NR3C2: variants seen among roughly 807,000 people sequenced by gnomAD.
NR3C2 encodes the protein nuclear receptor subfamily 3 group C member 2.
Under a neutral mutation model 86.4 loss-of-function variants are expected in NR3C2, and 15 were observed. The ratio of observed to expected loss-of-function variants is 0.17; its 90% CI spans 0.12 to 0.27. The LOEUF (loss-of-function observed/expected upper bound fraction) is 0.27, where lower values mean the gene tolerates loss of function less well. Among genes scored for constraint, NR3C2 ranks in the 10% least tolerant of loss-of-function variants. NR3C2 has a pLI of 1.00. For synonymous variants in NR3C2, 458 were observed against 450.5 expected (o/e 1.02, Z -0.21); for missense variants, 960 against 1,195.6 (o/e 0.80, Z 2.91).
intron 3 of NR3C2, among the ~76,000 whole-genome samples, chr4:148,219,349 A>C (rs969201039): frequency 1.6e-4 from 25 of 152,320 alleles, no homozygotes; most frequent in African/African-American, 5.1e-4. Flanking sequence ...GGTAATTTAT[A>C]TATTTTGAAT....
rs377117802 is a variant in NR3C2, at chr4:148,142,829, C to T, written c.2510+9640G>A. On this transcript the variant is annotated intron_variant, in intron 6 of 8. Transcript: ENST00000358102. ...GGTGGATTTCGAATCGATGGTTTAG[C>T]ACCACCGCCTTGCTCTAAATGCTGT... 9.2e-5 allele frequency among the ~76,000 whole-genome samples: 14 copies of T among 152,254 alleles called. No individual in the cohort carries two copies. In the South Asian group the frequency reaches 1.9e-3, roughly 20 times the overall value.
chr4:148,204,239 A>C (rs1736886996), intron 3 of NR3C2, among the ~76,000 whole-genome samples: 1 of 152,230 alleles, frequency 6.6e-6, no homozygotes, highest in African/African-American at 2.4e-5. Context: ...AGTAAGAAAA[A>C]GCAAGTAAGT....
upstream of NR3C2, chr4:148,444,395 G>A: frequency 1.0e-6 from 1 of 986,540 alleles, no homozygotes. Context: ...TCTCCTGCCC[G>A]CATCCCACCT....
intron 3 of NR3C2, among the ~76,000 whole-genome samples, chr4:148,225,898 G>C (rs1006391728): frequency 1.3e-5 from 2 of 151,934 alleles, no homozygotes; most frequent in Non-Finnish European, 2.9e-5. Flanking sequence ...CTTTCAACAA[G>C]GACTTACTCA....
intron 8 of NR3C2, among the ~76,000 whole-genome samples, chr4:148,087,052 C>T (rs540724988): frequency 9.5e-4 from 145 of 152,190 alleles, no homozygotes; most frequent in African/African-American, 3.2e-3. Context: ...AATCTTAAGC[C>T]GATAAGCAAC....
At chr4:148,395,877 T>C (rs1226420167) in intron 2 of NR3C2, among the ~76,000 whole-genome samples, 1 of 152,212 alleles carries the variant, frequency 6.6e-6, no homozygotes, top group Non-Finnish European at 1.5e-5. Flanking sequence ...TGATTGACCA[T>C]GTGTTGTGCT....
intron 3 of NR3C2, among the ~76,000 whole-genome samples, chr4:148,256,378 C>T (rs1579072892): frequency 6.6e-6 from 1 of 152,108 alleles, no homozygotes; most frequent in African/African-American, 2.4e-5. Flanking sequence ...CATCTCTCTA[C>T]GTGAACATCA....
chr4:148,094,449 C>A (rs374917478), intron 8 of NR3C2, among the ~76,000 whole-genome samples: 1 of 152,172 alleles, frequency 6.6e-6, no homozygotes, highest in Non-Finnish European at 1.5e-5. Context: ...GCATGGGGCC[C>A]ACGCCTGTAA....
At chr4:148,184,871 A>C (rs1735820189) in intron 4 of NR3C2, among the ~76,000 whole-genome samples, 1 of 152,220 alleles carries the variant, frequency 6.6e-6, no homozygotes, top group Non-Finnish European at 1.5e-5. Flanking sequence ...GAGACACCAG[A>C]AAAGGAGCTC....
Position 148,433,853 on chromosome 4 carries a change from C to T in NR3C2, c.1757+1251G>A, listed in dbSNP as rs78200269. On this transcript the variant is annotated intron_variant, in intron 2 of 8. Transcript: ENST00000358102. ...TGATGGCAGCCATGCTATCTCATGA[C>T]TTGTGTTAGAACTTATAATTTAAGA... 1.0e-3 allele frequency among the ~76,000 whole-genome samples: 155 copies of T among 152,252 alleles called. 4 individuals are homozygous for T. The East Asian group carries it at 0.021, about 21-fold the overall frequency.
intron 2 of NR3C2, among the ~76,000 whole-genome samples, chr4:148,293,367 G>T (rs1411380983): frequency 2.0e-5 from 3 of 152,078 alleles, no homozygotes; most frequent in African/African-American, 7.2e-5. Flanking sequence ...CACGTTAAAG[G>T]GCATTTAAAC....
chr4:148,148,041 C>A (rs904138788), intron 6 of NR3C2, among the ~76,000 whole-genome samples: 2 of 133,786 alleles, frequency 1.5e-5, no homozygotes, highest in African/African-American at 5.2e-5. Context: ...ACCTCTTTAG[C>A]TTCTGACCTG....
chr4:148,177,117 A>G (rs1169619738), intron 4 of NR3C2, among the ~76,000 whole-genome samples: 1 of 152,176 alleles, frequency 6.6e-6, no homozygotes, highest in East Asian at 1.9e-4. Flanking sequence ...GTAAATCATC[A>G]TTTTTTAAGC....
chr4:148,235,262 T>TTATATATATATA (rs370271975), intron 3 of NR3C2, among the ~76,000 whole-genome samples: 9,622 of 143,412 alleles, frequency 0.067, 408 homozygotes, highest in Non-Finnish European at 0.096. Flanking sequence ...TAAGTGGCAA[T>TTATATATATATA]TATATATATA....
At chr4:148,089,677 T>C (rs555044632) in intron 8 of NR3C2, among the ~76,000 whole-genome samples, 35 of 152,248 alleles carry the variant, frequency 2.3e-4, no homozygotes, top group African/African-American at 7.9e-4. Flanking sequence ...TTTTCAGGAA[T>C]ATTTAAGAAA....
chr4:148,367,190 A>G (rs1746188363), intron 2 of NR3C2, among the ~76,000 whole-genome samples: 2 of 152,210 alleles, frequency 1.3e-5, no homozygotes, highest in Admixed American at 1.3e-4. Context: ...AATACATAAT[A>G]AAGTGGATTT....
At chr4:148,260,163 A>G (rs755074001) in intron 2 of NR3C2, 46 bp from the exon 3 acceptor site, 18 of 1,611,806 alleles carry the variant, frequency 1.1e-5, no homozygotes, top group East Asian at 2.2e-5. Flanking sequence ...GTAAAGGCAC[A>G]TTTAACATGC....
At chr4:148,415,850 A>G (rs1748966895) in intron 2 of NR3C2, among the ~76,000 whole-genome samples, 1 of 152,254 alleles carries the variant, frequency 6.6e-6, no homozygotes. Flanking sequence ...TTCTCATTGT[A>G]GAAAATTTGG....
intron 2 of NR3C2, among the ~76,000 whole-genome samples, chr4:148,348,766 T>G (rs888987049): frequency 6.6e-6 from 1 of 152,182 alleles, no homozygotes; most frequent in African/African-American, 2.4e-5. Flanking sequence ...TCTACCACTT[T>G]CAGTATGTAT....
Sources: allele counts gnomAD v4.1 joint callset (sites outside exome capture counted in the v4.1 genomes callset), GRCh38; gene constraint gnomAD v4.1.1; transcripts MANE v1.5; gene names NCBI Gene and HGNC (gene_info 2026-07-23, HGNC 2026-07-21).